MTHFD1L: variants seen among roughly 807,000 people sequenced by gnomAD.
MTHFD1L encodes monofunctional C1-tetrahydrofolate synthase, mitochondrial.
A neutral mutation model predicts 119.5 loss-of-function variants in MTHFD1L; 81 were observed. The observed-to-expected ratio is 0.68, with a 90% CI of 0.57 to 0.82. The LOEUF is 0.82. Ranked by LOEUF, MTHFD1L falls within the 40% of genes least tolerant of loss-of-function variation. MTHFD1L has a pLI of 0.00. For missense variants in MTHFD1L, 1,125 were observed against 1,253.4 expected (o/e 0.90, Z 1.55); for synonymous variants, 430 against 475.2 (o/e 0.90, Z 1.24).
chr6:151,094,233 G>A (rs975535823), intron 27 of MTHFD1L, among the ~76,000 whole-genome samples: 4 of 152,038 alleles, frequency 2.6e-5, no homozygotes, highest in East Asian at 1.9e-4. Flanking sequence ...GCATATTCTC[G>A]GCCTTTGCAG....
chr6:150,873,101 G>A (rs1331813904), intron 1 of MTHFD1L, among the ~76,000 whole-genome samples: 5 of 152,086 alleles, frequency 3.3e-5, no homozygotes, highest in Non-Finnish European at 7.4e-5. Flanking sequence ...CGGATCACGA[G>A]GTCAAGAGAT....
chr6:151,099,826 C>T, intron 27 of MTHFD1L: 2 of 1,601,870 alleles, frequency 1.2e-6, no homozygotes, highest in Middle Eastern at 4.5e-4. Context: ...CGAGATCGCT[C>T]ACAATGTTTC....
rs1283645379 is a variant in MTHFD1L at position 150,866,278 on chromosome 6, T to C, written c.227+229T>C. ...TACCCGACCGGGCCCGCAGCGCAGG[T>C]GGGCGTGGGCATCTCCAATGGGCGC... On this transcript the variant is annotated intron_variant, in intron 1 of 27. Coordinates refer to ENST00000367321, the MANE Select transcript of MTHFD1L (RefSeq NM_015440.5). 8 of 1,461,920 alleles carry C rather than the reference T, an allele frequency of 5.5e-6. No individual in the cohort carries two copies. In the South Asian group the frequency reaches 9.2e-5, roughly 17 times the overall value. 90.6% of individuals were successfully genotyped at this position (1,461,920 alleles called of 1,614,324 possible). A position where few individuals can be genotyped will look rare whatever the true frequency, so the allele number is the denominator to read the frequency against.
intron 20 of MTHFD1L, among the ~76,000 whole-genome samples, chr6:150,987,050 A>G (rs1778410376): frequency 6.6e-6 from 1 of 152,196 alleles, no homozygotes; most frequent in Non-Finnish European, 1.5e-5. Flanking sequence ...ATTATGAAGA[A>G]AAACAGAAAC....
At chr6:150,867,184 T>C (rs1460851149) in intron 1 of MTHFD1L, among the ~76,000 whole-genome samples, 7 of 152,200 alleles carry the variant, frequency 4.6e-5, no homozygotes, top group Non-Finnish European at 7.4e-5. Context: ...TTAGTTTTTC[T>C]TGTTCTCTGT....
intron 16 of MTHFD1L, among the ~76,000 whole-genome samples, chr6:150,953,687 GA>G (rs1397143723): frequency 6.6e-6 from 1 of 152,154 alleles, no homozygotes; most frequent in Non-Finnish European, 1.5e-5. Context: ...GTGGGCTTTG[GA>G]GGCCACTGAT....
chr6:150,890,009 A>G (rs1782957788), intron 7 of MTHFD1L, among the ~76,000 whole-genome samples: 2 of 152,188 alleles, frequency 1.3e-5, no homozygotes, highest in Admixed American at 1.3e-4. Context: ...ATATAAAATT[A>G]GCTGGATGTG....
At chr6:151,043,413 T>C (rs1787450955) in intron 26 of MTHFD1L, among the ~76,000 whole-genome samples, 1 of 151,874 alleles carries the variant, frequency 6.6e-6, no homozygotes, top group Admixed American at 6.6e-5. Context: ...TACAGGTATA[T>C]GCCACCACAT....
At chr6:150,872,026 C>T (rs1428833364) in intron 1 of MTHFD1L, among the ~76,000 whole-genome samples, 1 of 151,254 alleles carries the variant, frequency 6.6e-6, no homozygotes, top group Non-Finnish European at 1.5e-5. Flanking sequence ...TATAGGCGTG[C>T]ACCACCATGC....
rs1217336502 is a variant in MTHFD1L at position 150,965,040 on chromosome 6, A to C, written c.2013+3A>C. 19 of 1,613,538 alleles carry C rather than the reference A, an allele frequency of 1.2e-5. No homozygotes were observed. Among genetic ancestry groups the C allele is most frequent in the Non-Finnish European group, 1.6e-5 (19 of 1,179,546 alleles). On this transcript the variant is annotated splice_donor_region_variant and intron_variant, in intron 19 of 27. Transcript: ENST00000367321. The stretch of plus-strand genomic sequence containing the variant: ...CAAACCTGATGCAGACCCTGGAAGT[A>C]AGTGGTTTTCTTCTTATAGTAATTG...
chr6:151,067,716 C>G (rs1338838740), intron 26 of MTHFD1L, among the ~76,000 whole-genome samples: 1 of 152,198 alleles, frequency 6.6e-6, no homozygotes, highest in Non-Finnish European at 1.5e-5. Context: ...AGATGGGTAA[C>G]CATGTATACA....
intron 4 of MTHFD1L, among the ~76,000 whole-genome samples, chr6:150,879,829 A>G (rs1370612488): frequency 2.0e-5 from 3 of 151,832 alleles, no homozygotes; most frequent in Non-Finnish European, 4.4e-5. Context: ...GGGTTTCACC[A>G]TGTTAGCCAG....
chr6:151,049,857 C>T (rs1004667464), intron 26 of MTHFD1L, among the ~76,000 whole-genome samples: 3 of 152,142 alleles, frequency 2.0e-5, no homozygotes, highest in Non-Finnish European at 2.9e-5. Flanking sequence ...GGGGGTGTCA[C>T]GCCTCAGGGG....
chr6:150,995,445 C>T (rs1228548133), intron 20 of MTHFD1L, among the ~76,000 whole-genome samples: 3 of 144,758 alleles, frequency 2.1e-5, no homozygotes, highest in East Asian at 2.1e-4. Flanking sequence ...ACCTGGGAGG[C>T]GGAGGTGGCG....
rs1562348409 is a variant in MTHFD1L at position 150,903,203 on chromosome 6, A to ATTCTTTTTTTTTTTT, written c.781-2445_781-2444insCTTTTTTTTTTTTTT. On this transcript the variant is annotated intron_variant, in intron 7 of 27. Coordinates refer to ENST00000367321, the MANE Select transcript of MTHFD1L (RefSeq NM_015440.5). The stretch of plus-strand genomic sequence containing the variant: ...GATTGCTGGTGATATTGGCTGCAAA[A>ATTCTTTTTTTTTTTT]TTTTTTTTTTTTTTTTTTTTTTTTT... Among the ~76,000 whole-genome samples, 12 of 85,474 alleles carry ATTCTTTTTTTTTTTT rather than the reference A, an allele frequency of 1.4e-4. 3 individuals are homozygous for ATTCTTTTTTTTTTTT. Among genetic ancestry groups the ATTCTTTTTTTTTTTT allele is most frequent in the African/African-American group, 5.0e-4 (10 of 19,990 alleles). 56.1% of individuals were successfully genotyped at this position (85,474 alleles called of 152,430 possible). A position where few individuals can be genotyped will look rare whatever the true frequency, so the allele number is the denominator to read the frequency against.
chr6:150,959,142 G>T, intron 17 of MTHFD1L: 1 of 956,164 alleles, frequency 1.0e-6, no homozygotes, highest in Non-Finnish European at 1.2e-6. Context: ...GAATATAGTT[G>T]TATTTGACTT....
intron 26 of MTHFD1L, among the ~76,000 whole-genome samples, chr6:151,076,813 A>G (rs752903312): frequency 4.1e-4 from 62 of 152,186 alleles, no homozygotes; most frequent in Non-Finnish European, 8.5e-4. Flanking sequence ...CATATAGTCA[A>G]GACATTCTCT....
intron 15 of MTHFD1L, 110 bp downstream of exon 15, chr6:150,945,651 C>G (rs1583710158): frequency 3.0e-6 from 3 of 1,014,922 alleles, no homozygotes; most frequent in African/African-American, 3.2e-5. Flanking sequence ...TTTCAGATAT[C>G]CTTTTGGGTA....
At chr6:150,952,187 G>A (rs1219692614) in intron 16 of MTHFD1L, among the ~76,000 whole-genome samples, 1 of 152,182 alleles carries the variant, frequency 6.6e-6, no homozygotes, top group Non-Finnish European at 1.5e-5. Context: ...TATTGTTCAG[G>A]GCACTGAAGT....
Sources: gnomAD v4.1 joint callset for allele counts (sites outside exome capture counted in the v4.1 genomes callset) on GRCh38, gnomAD v4.1.1 for gene constraint, MANE v1.5 for transcripts, NCBI Gene and HGNC (gene_info 2026-07-23, HGNC 2026-07-21) for gene names.